RAD18: variants seen among roughly 807,000 people sequenced by gnomAD.
RAD18 encodes E3 ubiquitin-protein ligase RAD18.
Under a neutral mutation model 60.4 loss-of-function variants are expected in RAD18, and 47 were observed. That is an observed-to-expected ratio of 0.78 (90% confidence interval 0.62 to 0.99). The LOEUF is 0.99. Ranked by LOEUF, RAD18 falls within the 50% of genes least tolerant of loss-of-function variation. The pLI is 0.00. For synonymous variants in RAD18, 225 were observed against 195.5 expected (o/e 1.15, Z -1.26); for missense variants, 640 against 593.3 (o/e 1.08, Z -0.82).
intron 5 of RAD18, among the ~76,000 whole-genome samples, chr3:8,940,976 T>C (rs1406775371): frequency 6.6e-6 from 1 of 152,194 alleles, no homozygotes; most frequent in African/African-American, 2.4e-5. Flanking sequence ...CAGTTGTAGT[T>C]TGCCAATTCC....
In RAD18 at chr3:8,909,235, T is replaced by C. The variant is rs45551932; in HGVS notation, c.1027+3077A>G. On this transcript the variant is annotated intron_variant, in intron 9 of 12. Coordinates refer to ENST00000264926, the MANE Select transcript of RAD18 (RefSeq NM_020165.4). ...AGGCAAGGCTAGAGAGGTAGGCAGGTCCAGATACAGGAAATAACAGACTTT... is the reference window on the plus strand; with the variant it reads ...AGGCAAGGCTAGAGAGGTAGGCAGGCCCAGATACAGGAAATAACAGACTTT... Among the ~76,000 whole-genome samples the C allele has an allele frequency of 4.9e-4, 74 of 152,158 alleles. 1 individual carries two copies. In the East Asian group the frequency reaches 0.011, roughly 23 times the overall value.
intron 2 of RAD18, among the ~76,000 whole-genome samples, chr3:8,950,419 C>G (rs1559799229): frequency 1.3e-5 from 2 of 152,292 alleles, no homozygotes; most frequent in East Asian, 1.9e-4. Flanking sequence ...CAGAGCCCAG[C>G]TGACTCTGGA....
intron 4 of RAD18, among the ~76,000 whole-genome samples, chr3:8,944,773 T>A (rs1940812951): frequency 6.6e-6 from 1 of 152,066 alleles, no homozygotes; most frequent in Non-Finnish European, 1.5e-5. Context: ...AAATAGGCCT[T>A]TGGGTAGACA....
Position 8,923,138 on chromosome 3 carries a change from C to T in RAD18, c.890-9418G>A, listed in dbSNP as rs150058795. On this transcript the variant is annotated intron_variant, in intron 7 of 12. Transcript: ENST00000264926. ...CCCGAGCTAAAGGAGGAAGTTCAAACCCATGGCAAAGAAGTTAAGAACCTT... is the reference window on the plus strand; with the variant it reads ...CCCGAGCTAAAGGAGGAAGTTCAAATCCATGGCAAAGAAGTTAAGAACCTT... Among the ~76,000 whole-genome samples the T allele has an allele frequency of 5.7e-3, 870 of 152,236 alleles. 2 individuals are homozygous for T. The highest frequency in any genetic ancestry group is 9.8e-3 in the Non-Finnish European group (664 of 68,026).
At chr3:8,953,485 T>C (rs187351196) in intron 2 of RAD18, among the ~76,000 whole-genome samples, 1 of 152,300 alleles carries the variant, frequency 6.6e-6, no homozygotes, top group East Asian at 1.9e-4. Flanking sequence ...ACTGGTAAGC[T>C]GCAGACCAGC....
chr3:8,887,614 A>G (rs1307979318), intron 12 of RAD18, among the ~76,000 whole-genome samples: 2 of 152,312 alleles, frequency 1.3e-5, no homozygotes, highest in East Asian at 3.9e-4. Flanking sequence ...GACAGCTGCA[A>G]AGCTAGTCAA....
chr3:8,948,537 T>G lies in RAD18; in HGVS notation c.167A>C (p.Tyr56Ser), dbSNP rs1418030254. ...ACAGCAAGTTGGACACTGAGTTTTA[T>G]AGGACAGAAATTTTCTTATACAGAG... ...CSLCIRKFLS[Y>S]KTQCPTCCVT... Residue 56 changes from tyrosine (Y) to serine (S), a missense_variant, in exon 3 of 13, where the codon TAT (tyrosine) becomes TCT (serine). Coordinates refer to ENST00000264926, the MANE Select transcript of RAD18 (RefSeq NM_020165.4). 6.2e-7 allele frequency: 1 copy of G among 1,613,152 alleles called. No individual in the cohort carries two copies. The highest frequency in any genetic ancestry group is 1.3e-5 in the African/African-American group (1 of 75,012).
chr3:8,906,356 C>A (rs573027599), intron 9 of RAD18, among the ~76,000 whole-genome samples: 2 of 152,062 alleles, frequency 1.3e-5, no homozygotes, highest in Non-Finnish European at 2.9e-5. Context: ...CCCAACACCC[C>A]CCTCCAGCTA....
At chr3:8,924,924 A>C (rs1308656581) in intron 7 of RAD18, among the ~76,000 whole-genome samples, 1 of 152,164 alleles carries the variant, frequency 6.6e-6, no homozygotes, top group Non-Finnish European at 1.5e-5. Flanking sequence ...TGTAGGGGGA[A>C]ATTTATAGCA....
chr3:8,948,102 G>A (rs71314318), intron 3 of RAD18, among the ~76,000 whole-genome samples: 3,504 of 152,254 alleles, frequency 0.023, 57 homozygotes, highest in Non-Finnish European at 0.032. Flanking sequence ...CTCTGGTAGG[G>A]GAAAGATGTA....
At chr3:8,911,228 C>T (rs187868260) in intron 9 of RAD18, among the ~76,000 whole-genome samples, 1 of 152,258 alleles carries the variant, frequency 6.6e-6, no homozygotes, top group African/African-American at 2.4e-5. Context: ...AAATGGTGGG[C>T]AATGAATATT....
rs1236658675 is a variant in RAD18, at chr3:8,877,896, G to A, written c.*3461C>T. On this transcript the variant is annotated 3_prime_UTR_variant, in exon 13 of 13. Transcript: ENST00000264926. ...AGAGAGGAAGCAAATTTTTGCACAG[G>A]ACGCTGTGGTCCGGGTGATAGTACA... is the stretch of plus-strand genomic sequence containing the variant. 6.6e-6 allele frequency: 1 copy of A among 152,194 alleles called. No homozygotes were observed. The highest frequency in any genetic ancestry group is 1.5e-5 in the Non-Finnish European group (1 of 68,062). 9.4% of individuals were successfully genotyped at this position (152,194 alleles called of 1,614,324 possible). A position where few individuals can be genotyped will look rare whatever the true frequency, so the allele number is the denominator to read the frequency against.
At chr3:8,948,246 G>T (rs199560790) in intron 3 of RAD18, among the ~76,000 whole-genome samples, 1 of 152,088 alleles carries the variant, frequency 6.6e-6, no homozygotes. Flanking sequence ...TTAAAAATGA[G>T]AAGCCATAAA....
At chr3:8,889,102 C>T (rs532430298) in intron 12 of RAD18, among the ~76,000 whole-genome samples, 2 of 152,272 alleles carry the variant, frequency 1.3e-5, no homozygotes, top group African/African-American at 4.8e-5. Flanking sequence ...CATAATAAAA[C>T]CATGTGTGCC....
At chr3:8,914,595 G>A (rs1940164289) in intron 7 of RAD18, among the ~76,000 whole-genome samples, 1 of 152,076 alleles carries the variant, frequency 6.6e-6, no homozygotes, top group South Asian at 2.1e-4. Flanking sequence ...ATTTAAGAAT[G>A]CAACTGTCTC....
intron 11 of RAD18, among the ~76,000 whole-genome samples, chr3:8,890,735 C>T (rs1332653060): frequency 6.6e-6 from 1 of 152,084 alleles, no homozygotes; most frequent in Non-Finnish European, 1.5e-5. Context: ...GATTCCCTGC[C>T]ACCCCTACTT....
intron 1 of RAD18, among the ~76,000 whole-genome samples, chr3:8,961,480 G>A (rs1941094470): frequency 6.6e-6 from 1 of 152,192 alleles, no homozygotes; most frequent in Admixed American, 6.5e-5. Context: ...CAAATAACTT[G>A]AGACTCCAAA....
intron 7 of RAD18, among the ~76,000 whole-genome samples, chr3:8,920,700 T>A (rs1940303052): frequency 6.6e-6 from 1 of 152,176 alleles, no homozygotes; most frequent in Non-Finnish European, 1.5e-5. Context: ...ATAATCTGAA[T>A]TTTCTGCCAG....
chr3:8,934,894 A>T (rs967391190), intron 7 of RAD18, among the ~76,000 whole-genome samples: 8 of 152,198 alleles, frequency 5.3e-5, no homozygotes, highest in African/African-American at 1.9e-4. Flanking sequence ...AAATGAAAAA[A>T]ACATGACCAT....
Sources: gnomAD v4.1 joint callset for allele counts (sites outside exome capture counted in the v4.1 genomes callset) on GRCh38, gnomAD v4.1.1 for gene constraint, MANE v1.5 for transcripts, NCBI Gene and HGNC (gene_info 2026-07-23, HGNC 2026-07-21) for gene names.